Variants in PIP5K1B observed in about 807,000 individuals in gnomAD.
The protein encoded by PIP5K1B is phosphatidylinositol 4-phosphate 5-kinase type-1 beta.
In PIP5K1B, 42 loss-of-function variants were observed where a neutral mutation model predicts 67.0. The observed-to-expected ratio is 0.63, with a 90% CI of 0.49 to 0.81. The LOEUF (loss-of-function observed/expected upper bound fraction) is 0.81. Ranked by LOEUF, PIP5K1B falls within the 30% of genes least tolerant of loss-of-function variation. The pLI is 0.00. For synonymous variants in PIP5K1B, 214 were observed against 231.4 expected (o/e 0.92, Z 0.68); for missense variants, 459 against 646.3 (o/e 0.71, Z 3.14).
intron 14 of PIP5K1B, among the ~76,000 whole-genome samples, chr9:68,954,702 G>C (rs1262840155): frequency 6.6e-6 from 1 of 152,216 alleles, no homozygotes; most frequent in African/African-American, 2.4e-5. Context: ...CCACATGAGA[G>C]AGGACTAGCG....
intron 7 of PIP5K1B, 47 bp downstream of exon 7, chr9:68,889,180 T>G: frequency 6.8e-7 from 1 of 1,466,592 alleles, no homozygotes. Context: ...GTTTAATTAC[T>G]TTCCTCAACA....
intron 15 of PIP5K1B, among the ~76,000 whole-genome samples, chr9:69,008,221 A>C (rs1239634662): frequency 2.0e-5 from 3 of 152,192 alleles, no homozygotes; most frequent in Non-Finnish European, 2.9e-5. Context: ...GCTGTGATGT[A>C]GTCAGGACTC....
chr9:68,955,827 T>C (rs1261998094), intron 14 of PIP5K1B, among the ~76,000 whole-genome samples: 1 of 152,258 alleles, frequency 6.6e-6, no homozygotes, highest in East Asian at 1.9e-4. Flanking sequence ...TTCATGCACA[T>C]TCTTTTTACA....
At chr9:68,937,528 A>G (rs892470274) in intron 13 of PIP5K1B, among the ~76,000 whole-genome samples, 1 of 151,976 alleles carries the variant, frequency 6.6e-6, no homozygotes, top group Admixed American at 6.6e-5. Flanking sequence ...AGGTCTATCT[A>G]TTTTGTTGAT....
At chr9:68,843,034 C>G (rs1185568947) in intron 4 of PIP5K1B, 3 of 152,240 alleles carry the variant, frequency 2.0e-5, no homozygotes, top group South Asian at 4.1e-4. Context: ...TCCCTCTGCC[C>G]TTCACGTCTG....
Position 69,008,579 on chromosome 9 carries a change from G to T in PIP5K1B, c.*130G>T. The T allele has an allele frequency of 1.1e-6, 1 of 878,082 alleles. No homozygotes were observed. Among genetic ancestry groups the T allele is most frequent in the South Asian group, 1.4e-5 (1 of 73,756 alleles). 54.4% of individuals were successfully genotyped at this position (878,082 alleles called of 1,614,324 possible). A position where few individuals can be genotyped will look rare whatever the true frequency, so the allele number is the denominator to read the frequency against. ...CTACACACAGAGAAATCATCAACCT[G>T]ACTTAAGAGTTTTCAAGATGTCAAC... is the stretch of plus-strand genomic sequence containing the variant. On this transcript the variant is annotated 3_prime_UTR_variant, in exon 16 of 16. Coordinates refer to ENST00000265382, the MANE Select transcript of PIP5K1B (RefSeq NM_003558.4).
intron 2 of PIP5K1B, among the ~76,000 whole-genome samples, chr9:68,803,482 G>A (rs376649097): frequency 1.1e-4 from 16 of 152,352 alleles, no homozygotes; most frequent in African/African-American, 3.8e-4. Flanking sequence ...AAGAAAAAGT[G>A]TTCAGAGAAG....
intron 1 of PIP5K1B, among the ~76,000 whole-genome samples, chr9:68,735,599 G>A (rs1587362375): frequency 6.6e-6 from 1 of 152,134 alleles, no homozygotes; most frequent in South Asian, 2.1e-4. Flanking sequence ...CATGTTGGCC[G>A]AGCTGGTCTC....
At chr9:68,725,048 A>T (rs1828086756) in intron 1 of PIP5K1B, among the ~76,000 whole-genome samples, 1 of 152,216 alleles carries the variant, frequency 6.6e-6, no homozygotes, top group Non-Finnish European at 1.5e-5. Flanking sequence ...CCCAGTGCAG[A>T]ATTATTGTCA....
intron 6 of PIP5K1B, among the ~76,000 whole-genome samples, chr9:68,884,675 A>AAT (rs1428361367): frequency 6.6e-6 from 1 of 151,992 alleles, no homozygotes; most frequent in African/African-American, 2.4e-5. Context: ...TAAAAAAAAA[A>AAT]AAAAAAAAGA....
At chr9:68,990,213 G>A (rs1249271302) in intron 14 of PIP5K1B, among the ~76,000 whole-genome samples, 1 of 152,130 alleles carries the variant, frequency 6.6e-6, no homozygotes, top group East Asian at 1.9e-4. Context: ...TCCAAGTGTG[G>A]TCCTTGAACC....
At chr9:68,848,654 A>T (rs945343150) in intron 4 of PIP5K1B, among the ~76,000 whole-genome samples, 2 of 152,228 alleles carry the variant, frequency 1.3e-5, no homozygotes, top group African/African-American at 4.8e-5. Flanking sequence ...TATTTGGTAG[A>T]TGATAAAGAA....
intron 8 of PIP5K1B, among the ~76,000 whole-genome samples, chr9:68,908,451 CT>C (rs1239511595): frequency 1.3e-5 from 2 of 151,100 alleles, no homozygotes; most frequent in Non-Finnish European, 2.9e-5. Context: ...AAAAAAAAGC[CT>C]TGGTACAGGT....
intron 1 of PIP5K1B, among the ~76,000 whole-genome samples, chr9:68,718,339 G>A (rs546068012): frequency 2.0e-5 from 3 of 152,156 alleles, no homozygotes; most frequent in Non-Finnish European, 2.9e-5. Flanking sequence ...TTCCTATAGT[G>A]CTCACCCTAA....
chr9:68,829,233 G>A (rs1166995338), intron 4 of PIP5K1B, among the ~76,000 whole-genome samples: 1 of 152,208 alleles, frequency 6.6e-6, no homozygotes, highest in Non-Finnish European at 1.5e-5. Context: ...TGTGTTCTCT[G>A]TCCTGACCAT....
At chr9:68,950,116 C>G (rs1827986195) in intron 14 of PIP5K1B, among the ~76,000 whole-genome samples, 1 of 152,240 alleles carries the variant, frequency 6.6e-6, no homozygotes, top group East Asian at 1.9e-4. Context: ...CCCAAACCTG[C>G]TTCCCAGTGT....
intron 12 of PIP5K1B, among the ~76,000 whole-genome samples, chr9:68,931,595 A>G (rs975197980): frequency 6.6e-6 from 1 of 152,244 alleles, no homozygotes; most frequent in African/African-American, 2.4e-5. Flanking sequence ...AGATATTTCA[A>G]CTAAATCCTG....
intron 12 of PIP5K1B, among the ~76,000 whole-genome samples, chr9:68,927,975 G>A (rs1415937430): frequency 6.6e-6 from 1 of 151,918 alleles, no homozygotes; most frequent in Non-Finnish European, 1.5e-5. Context: ...ATGTGGGATA[G>A]CCGGTTGTTT....
intron 1 of PIP5K1B, among the ~76,000 whole-genome samples, chr9:68,720,120 A>G (rs960413346): frequency 6.6e-6 from 1 of 152,190 alleles, no homozygotes; most frequent in Non-Finnish European, 1.5e-5. Flanking sequence ...TATTATTATC[A>G]TTGTTGAATG....
Sources: gnomAD v4.1 joint callset for allele counts (sites outside exome capture counted in the v4.1 genomes callset) on GRCh38, gnomAD v4.1.1 for gene constraint, MANE v1.5 for transcripts, NCBI Gene and HGNC (gene_info 2026-07-23, HGNC 2026-07-21) for gene names.